FAM193A: variants seen among roughly 807,000 people sequenced by gnomAD.
FAM193A encodes protein FAM193A.
FAM193A carries 22 observed loss-of-function variants against 126.5 expected under a neutral mutation model. That is an observed-to-expected ratio of 0.17 (90% CI 0.12 to 0.25). The LOEUF is 0.25. FAM193A is among the 10% of genes least tolerant of loss of function. The pLI, the probability that FAM193A is intolerant of heterozygous loss-of-function variation, is 1.00. For missense variants in FAM193A, 1,675 were observed against 1,672.8 expected (o/e 1.00, Z -0.02); for synonymous variants, 761 against 646.8 (o/e 1.18, Z -2.68).
At chr4:2,559,228 G>A (rs147017914) in intron 1 of FAM193A, among the ~76,000 whole-genome samples, 431 of 152,262 alleles carry the variant, frequency 2.8e-3, no homozygotes, top group African/African-American at 7.9e-3. Context: ...TAGAACTTCA[G>A]AACTGGAGGG....
chr4:2,705,087 T>A (rs995399744), intron 19 of FAM193A, among the ~76,000 whole-genome samples: 1 of 152,148 alleles, frequency 6.6e-6, no homozygotes, highest in Admixed American at 6.6e-5. Flanking sequence ...AATTTTTATA[T>A]CTTTAGTAGA....
chr4:2,628,959 T>C (rs911754399), intron 4 of FAM193A, among the ~76,000 whole-genome samples: 1 of 151,968 alleles, frequency 6.6e-6, no homozygotes, highest in African/African-American at 2.4e-5. Context: ...TTCATGCCAT[T>C]CTCCTGCCTC....
At chr4:2,689,441 T>TG in intron 13 of FAM193A, 65 bp from the exon 14 acceptor site, 1 of 1,234,272 alleles carries the variant, frequency 8.1e-7, no homozygotes, top group African/African-American at 1.6e-5. Flanking sequence ...GTCTGTAGTT[T>TG]AACTACTTAC....
intron 13 of FAM193A, among the ~76,000 whole-genome samples, chr4:2,678,765 G>A (rs1714748891): frequency 6.6e-6 from 1 of 152,164 alleles, no homozygotes; most frequent in Admixed American, 6.5e-5. Flanking sequence ...ATTTTTGAGT[G>A]TTGATTTTGT....
intron 19 of FAM193A, among the ~76,000 whole-genome samples, chr4:2,710,195 GAC>G (rs1208999867): frequency 1.1e-5 from 1 of 94,624 alleles, no homozygotes; most frequent in Non-Finnish European, 2.0e-5. Flanking sequence ...TTTTTTTTGA[GAC>G]AGAGTCTCGC....
At chr4:2,619,463 A>AATTTTTGT (rs1027269935) in intron 2 of FAM193A, among the ~76,000 whole-genome samples, 2 of 151,336 alleles carry the variant, frequency 1.3e-5, no homozygotes, top group African/African-American at 2.4e-5. Context: ...CCACCATGCT[A>AATTTTTGT]ATTTTTGTAT....
chr4:2,576,136 G>A (rs932969274), intron 1 of FAM193A, among the ~76,000 whole-genome samples: 13 of 151,942 alleles, frequency 8.6e-5, no homozygotes, highest in East Asian at 7.7e-4. Flanking sequence ...CCACATTGTC[G>A]CCCGGGCTGC....
chr4:2,658,570 C>T (rs771178584), intron 8 of FAM193A, among the ~76,000 whole-genome samples: 33 of 152,154 alleles, frequency 2.2e-4, no homozygotes, highest in African/African-American at 1.9e-4. Flanking sequence ...ATCTCCTTTA[C>T]GAACTCCAAC....
intron 1 of FAM193A, among the ~76,000 whole-genome samples, chr4:2,544,064 C>G (rs1737404691): frequency 6.6e-6 from 1 of 152,000 alleles, no homozygotes; most frequent in African/African-American, 2.4e-5. Flanking sequence ...ATCATTAACT[C>G]TAGTTCATAT....
In FAM193A at chr4:2,732,201, A is replaced by G. The variant is rs1721477761; in HGVS notation, c.*333A>G. On this transcript the variant is annotated 3_prime_UTR_variant, in exon 21 of 21. Coordinates refer to ENST00000637812, the MANE Select transcript of FAM193A (RefSeq NM_001366318.2). ...ATCCACGTGGCTCCGTTGCCTCTGC[A>G]TTGCGCCCTGTCCTGTCATGTGTCC... is the stretch of plus-strand genomic sequence containing the variant. 1 of 364,090 alleles carries G rather than the reference A, an allele frequency of 2.7e-6. No homozygotes were observed. The highest frequency in any genetic ancestry group is 5.3e-6 in the Non-Finnish European group (1 of 189,884). The allele number at this position is 364,090 out of a possible 1,614,324, so 22.6% of individuals were successfully genotyped here.
At chr4:2,672,035 GTAACTACT>G in intron 12 of FAM193A, 78 bp from the exon 13 acceptor site, 1 of 1,459,500 alleles carries the variant, frequency 6.9e-7, no homozygotes, top group Non-Finnish European at 9.4e-7. Context: ...TATTTGCTTT[GTAACTACT>G]TGGCAGAATG....
At chr4:2,624,900 G>C (rs1476138725) in intron 2 of FAM193A, among the ~76,000 whole-genome samples, 2 of 152,154 alleles carry the variant, frequency 1.3e-5, no homozygotes, top group Non-Finnish European at 2.9e-5. Flanking sequence ...CTGTCACCCA[G>C]ACAGGAGTGC....
At chr4:2,610,722 T>C (rs1000740781) in intron 2 of FAM193A, among the ~76,000 whole-genome samples, 1 of 152,136 alleles carries the variant, frequency 6.6e-6, no homozygotes, top group Non-Finnish European at 1.5e-5. Context: ...GTAGAGCTAC[T>C]AGGAACATTT....
intron 1 of FAM193A, among the ~76,000 whole-genome samples, chr4:2,590,896 G>A (rs1026213797): frequency 2.6e-5 from 4 of 151,552 alleles, no homozygotes; most frequent in South Asian, 2.1e-4. Flanking sequence ...GCGTGGTGGC[G>A]CGCGCCTGTA....
intron 1 of FAM193A, among the ~76,000 whole-genome samples, chr4:2,585,854 G>A (rs1315091142): frequency 2.6e-5 from 4 of 152,156 alleles, no homozygotes; most frequent in African/African-American, 9.6e-5. Context: ...GCTTGAACCT[G>A]GGAGGTGGAG....
Position 2,631,163 on chromosome 4 carries a change from C to T in FAM193A, c.1032C>T (p.Gly344=), listed in dbSNP as rs1256200125. 3 of 1,606,262 alleles carry T rather than the reference C, an allele frequency of 1.9e-6. No individual in the cohort carries two copies. The highest frequency in any genetic ancestry group is 2.2e-5 in the East Asian group (1 of 44,734). The change falls in exon 5 of 21, where the codon GGC becomes GGT. Residue 344 remains glycine, a synonymous_variant. Transcript: ENST00000637812. The stretch of plus-strand genomic sequence containing the variant: ...CACGCTCCATCAGCACCTTCCTTGG[C>T]ACTCTGGTAAGAGAGAAAACGTGTT... The part of the protein sequence containing the change: ...QAARSISTFL[G]TLENEHLKKF...
chr4:2,693,946 C>A, intron 16 of FAM193A, 72 bp downstream of exon 16: 1 of 1,460,070 alleles, frequency 6.8e-7, no homozygotes, highest in Non-Finnish European at 9.4e-7. Flanking sequence ...AACACAGCTA[C>A]AGAAACTCCC....
chr4:2,726,778 C>CAAAAAAA (rs71589604), intron 20 of FAM193A, among the ~76,000 whole-genome samples: 4 of 44,962 alleles, frequency 8.9e-5, no homozygotes, highest in Admixed American at 3.4e-4. Context: ...CTAAAAATAC[C>CAAAAAAA]AAAAAAAAAA....
chr4:2,692,119 G>T (rs761340197), intron 15 of FAM193A, among the ~76,000 whole-genome samples: 20 of 152,216 alleles, frequency 1.3e-4, no homozygotes. Flanking sequence ...ACACTGCTAT[G>T]AAGAAATACC....
Sources: gnomAD v4.1 joint callset for allele counts (sites outside exome capture counted in the v4.1 genomes callset) on GRCh38, gnomAD v4.1.1 for gene constraint, MANE v1.5 for transcripts, NCBI Gene and HGNC (gene_info 2026-07-23, HGNC 2026-07-21) for gene names.